Variants in UGT2B15 observed in about 807,000 individuals in gnomAD.
The protein encoded by UGT2B15 is UDP-glucuronosyltransferase 2B15.
In UGT2B15, 36 loss-of-function variants were observed where a neutral mutation model predicts 45.9. That is an observed-to-expected ratio of 0.78 (90% CI 0.60 to 1.04). UGT2B15 has a LOEUF of 1.04. UGT2B15 is among the 50% of genes least tolerant of loss of function. The probability of loss-of-function intolerance (pLI) is 0.00; values close to 1 mark genes in which losing one functional copy is unlikely to be tolerated. For synonymous variants in UGT2B15, 219 were observed against 216.4 expected, an observed-to-expected ratio of 1.01 and a Z score of -0.11; for missense variants, 617 against 622.4, an observed-to-expected ratio of 0.99 and a Z score of 0.09.
intron 1 of UGT2B15, 21 bp from the exon 2 acceptor site, chr4:68,668,209 A>G: frequency 1.2e-6 from 2 of 1,606,258 alleles, no homozygotes; most frequent in Non-Finnish European, 1.7e-6. Context: ...AAAACAAAAC[A>G]AAACAAAAGG....
rs937859207 is a variant in UGT2B15 at position 68,668,256 on chromosome 4, A to G, written c.725-68T>C. The G allele has an allele frequency of 1.9e-6, 3 of 1,600,410 alleles. No individual in the cohort carries two copies. In the African/African-American group the frequency reaches 4.0e-5, roughly 22 times the overall value. Reference sequence around the variant, plus strand: ...AGAATTGTTATTTGAATATGCAGGTATTTTCCTGAAAGGACTTGGAATAAC... The same window carrying G: ...AGAATTGTTATTTGAATATGCAGGTGTTTTCCTGAAAGGACTTGGAATAAC... On this transcript the variant is annotated intron_variant, in intron 1 of 5. Coordinates refer to ENST00000338206, the MANE Select transcript of UGT2B15 (RefSeq NM_001076.4).
intron 1 of UGT2B15, among the ~76,000 whole-genome samples, chr4:68,669,517 T>C (rs994334060): frequency 1.3e-5 from 2 of 152,150 alleles, no homozygotes; most frequent in African/African-American, 4.8e-5. Flanking sequence ...CATTGATAAT[T>C]TTTCTAGAAA....
intron 2 of UGT2B15, among the ~76,000 whole-genome samples, chr4:68,666,889 G>C (rs1359180232): frequency 6.6e-6 from 1 of 151,414 alleles, no homozygotes; most frequent in African/African-American, 2.4e-5. Context: ...TGCTATTACA[G>C]TCACCTGCCA....
intron 2 of UGT2B15, among the ~76,000 whole-genome samples, chr4:68,666,054 C>T (rs1276484607): frequency 1.5e-5 from 2 of 134,026 alleles, no homozygotes; most frequent in South Asian, 2.4e-4. Flanking sequence ...TCATTTATCC[C>T]TTGTCCTTAT....
At chr4:68,664,928 A>T (rs1327763279) in intron 2 of UGT2B15, among the ~76,000 whole-genome samples, 1 of 152,140 alleles carries the variant, frequency 6.6e-6, no homozygotes, top group Non-Finnish European at 1.5e-5. Flanking sequence ...GGCATCCAGG[A>T]ACTCAGTGTA....
chr4:68,667,439 G>A (rs1217771880), intron 2 of UGT2B15, among the ~76,000 whole-genome samples: 6 of 152,082 alleles, frequency 3.9e-5, no homozygotes, highest in Non-Finnish European at 8.8e-5. Flanking sequence ...GCCTCCCAAA[G>A]TGCAGGGATT....
At chr4:68,664,278 A>AAT (rs1553924948) in intron 2 of UGT2B15, among the ~76,000 whole-genome samples, 2 of 149,590 alleles carry the variant, frequency 1.3e-5, no homozygotes, top group African/African-American at 4.8e-5. Context: ...AAAAAAAAAA[A>AAT]AGAGAGAGAG....
intron 5 of UGT2B15, among the ~76,000 whole-genome samples, chr4:68,648,239 A>G (rs567869955): frequency 6.6e-6 from 1 of 152,192 alleles, no homozygotes; most frequent in African/African-American, 2.4e-5. Flanking sequence ...TCTTTGGTCT[A>G]GAGAACTCTA....
intron 1 of UGT2B15, among the ~76,000 whole-genome samples, chr4:68,669,305 TCA>T (rs1357322661): frequency 1.3e-5 from 2 of 152,170 alleles, no homozygotes; most frequent in Non-Finnish European, 2.9e-5. Flanking sequence ...CAACAAGATT[TCA>T]GTTTTTGAAA....
At chr4:68,659,667 G>A (rs1330855260) in intron 3 of UGT2B15, among the ~76,000 whole-genome samples, 2 of 151,902 alleles carry the variant, frequency 1.3e-5, no homozygotes, top group African/African-American at 4.8e-5. Context: ...GTCCTCCACA[G>A]ACAATTGTTG....
rs137927185 is a variant in UGT2B15 at position 68,670,234 on chromosome 4, T to C, written c.385A>G (p.Lys129Glu). The C allele has an allele frequency of 4.6e-5, 74 of 1,613,870 alleles. No individual in the cohort carries two copies. The East Asian group carries it at 7.1e-4, about 16-fold the overall frequency. ...EYYDYSNKLC[K>E]DAVLNKKLMM... ...AGTTTCTTATTCAAAACTGCATCTT[T>C]ACAGAGCTTGTTACTGTAGTCATAA... The change falls in exon 1 of 6, where the codon AAA (lysine) becomes GAA (glutamate). Residue 129 changes from lysine (K) to glutamate (E), a missense_variant. By Grantham distance (56) the Lys-to-Glu change is moderately conservative. This residue lies in a region of UGT2B15 where 351 missense variants were observed against 342.1 expected (regional missense o/e 1.03). Coordinates refer to ENST00000338206, the MANE Select transcript of UGT2B15 (RefSeq NM_001076.4).
rs758533475 is a variant in UGT2B15, at chr4:68,654,226, T to C, written c.1124A>G (p.His375Arg). 1 of 1,613,488 alleles carries C rather than the reference T, an allele frequency of 6.2e-7. No homozygotes were observed. Among genetic ancestry groups the C allele is most frequent in the Non-Finnish European group, 8.5e-7 (1 of 1,179,654 alleles). The part of the protein sequence containing the change: ...GHPKTKAFIT[H>R]GGTNGIYEAI... ...CTCATAGATGCCATTGGTTCCACCA[T>C]GAGTTATAAAAGCTTTGGTTTTGGG... is the stretch of plus-strand genomic sequence containing the variant. Residue 375 changes from histidine (H) to arginine (R), a missense_variant, in exon 5 of 6, where the codon CAT becomes CGT. His to Arg is a conservative substitution (Grantham distance 29). Around this residue, in one of 3 missense-constraint regions of UGT2B15, gnomAD observed 265 missense variants for 245.1 expected, o/e 1.08. Coordinates refer to ENST00000338206, the MANE Select transcript of UGT2B15 (RefSeq NM_001076.4).
intron 2 of UGT2B15, among the ~76,000 whole-genome samples, chr4:68,666,752 A>ATTTTTTTT (rs775748401): frequency 4.7e-5 from 6 of 127,858 alleles, no homozygotes; most frequent in African/African-American, 6.0e-5. Context: ...ATATATATAT[A>ATTTTTTTT]TTTTTTTTTT....
chr4:68,668,822 AC>A (rs1733217504), intron 1 of UGT2B15, among the ~76,000 whole-genome samples: 1 of 152,144 alleles, frequency 6.6e-6, no homozygotes, highest in Admixed American at 6.6e-5. Flanking sequence ...TTTATAAATT[AC>A]CCAGTCTCAG....
rs139311824 is a variant in UGT2B15, at chr4:68,651,812, T to C, written c.1313+2225A>G. Among the ~76,000 whole-genome samples, 879 of 152,218 alleles carry C rather than the reference T, an allele frequency of 5.8e-3. 12 individuals are homozygous for C. The highest frequency in any genetic ancestry group is 0.02 in the African/African-American group (819 of 41,518). ...GTTTGAAGTCAGGTAGCATGATGCC[T>C]CCAGCTTTGTTCTTTTTGCTTAGGA... On this transcript the variant is annotated intron_variant, in intron 5 of 5. Coordinates refer to ENST00000338206, the MANE Select transcript of UGT2B15 (RefSeq NM_001076.4).
At chr4:68,657,320 G>A (rs1732837305) in intron 3 of UGT2B15, among the ~76,000 whole-genome samples, 1 of 152,118 alleles carries the variant, frequency 6.6e-6, no homozygotes, top group Non-Finnish European at 1.5e-5. Flanking sequence ...GGCTAGTCCA[G>A]GAAACACATA....
chr4:68,651,475 T>TA lies in UGT2B15; in HGVS notation c.1313+2561_1313+2562insT, dbSNP rs369326274. On this transcript the variant is annotated intron_variant, in intron 5 of 5. Transcript: ENST00000338206. ...TCAGATGGTTGTAGATGTGTGGTGTTTTTCTGAGGCCTCTGTTCTGTTCCA... is the reference window on the plus strand; with the variant it reads ...TCAGATGGTTGTAGATGTGTGGTGTTATTTCTGAGGCCTCTGTTCTGTTCCA... 5.8e-3 allele frequency among the ~76,000 whole-genome samples: 884 copies of TA among 152,090 alleles called. 12 individuals are homozygous for TA. Among genetic ancestry groups the TA allele is most frequent in the African/African-American group, 0.02 (822 of 41,472 alleles).
chr4:68,670,308 T>C lies in UGT2B15; in HGVS notation c.311A>G (p.Asn104Ser). 6.2e-7 allele frequency: 1 copy of C among 1,614,060 alleles called. No homozygotes were observed. Among genetic ancestry groups the C allele is most frequent in the East Asian group, 2.2e-5 (1 of 44,866 alleles). Residue 104 changes from asparagine to serine, a missense_variant, in exon 1 of 6, where the codon AAT (asparagine) becomes AGT (serine). By Grantham distance (46) the Asn-to-Ser change is conservative. Around this residue, in one of 3 missense-constraint regions of UGT2B15, gnomAD observed 351 missense variants for 342.1 expected, o/e 1.03. Coordinates refer to ENST00000338206, the MANE Select transcript of UGT2B15 (RefSeq NM_001076.4). ...TTGTGAAAAATATGACCAAAATGTA[T>C]TTTTTGAAACACCATATATCCATCT... ...LDRWIYGVSK[N>S]TFWSYFSQLQ...
Position 68,670,052 on chromosome 4 carries a change from C to A in UGT2B15, c.567G>T (p.Leu189=). ...CAACAGGTACATAGGAAGGAGGGAACAGAAATCCTCCACCATTCTTCTCAA... is the reference window on the plus strand; with the variant it reads ...CAACAGGTACATAGGAAGGAGGGAAAAGAAATCCTCCACCATTCTTCTCAA... ...YTFEKNGGGF[L]FPPSYVPVVM... Residue 189 remains leucine, a synonymous_variant, in exon 1 of 6, where the codon CTG becomes CTT. Transcript: ENST00000338206. The A allele has an allele frequency of 6.2e-7, 1 of 1,614,008 alleles. No individual in the cohort carries two copies. The highest frequency in any genetic ancestry group is 8.5e-7 in the Non-Finnish European group (1 of 1,179,976).
Sources: allele counts gnomAD v4.1 joint callset (sites outside exome capture counted in the v4.1 genomes callset), GRCh38; gene constraint gnomAD v4.1.1; regional missense constraint gnomAD v4.1.1; transcripts MANE v1.5; gene names NCBI Gene and HGNC (gene_info 2026-07-23, HGNC 2026-07-21).